The following ADAMTS20 variants were observed in gnomAD, a reference collection of about 807,000 sequenced individuals.
ADAMTS20 encodes A disintegrin and metalloproteinase with thrombospondin motifs 20.
ADAMTS20 carries 225 observed loss-of-function variants against 260.1 expected under a neutral mutation model. That is an observed-to-expected ratio of 0.87 (90% confidence interval 0.78 to 0.97). ADAMTS20 has a LOEUF of 0.97. Among genes scored for constraint, ADAMTS20 ranks in the 50% least tolerant of loss-of-function variants. The pLI, the probability that ADAMTS20 is intolerant of heterozygous loss-of-function variation, is 0.00. For synonymous variants in ADAMTS20, 802 were observed against 769.5 expected, an observed-to-expected ratio of 1.04 and a Z score of -0.70; for missense variants, 2,400 against 2,337.7, an observed-to-expected ratio of 1.03 and a Z score of -0.55.
At chr12:43,457,487 C>A (rs1441381755) in intron 11 of ADAMTS20, among the ~76,000 whole-genome samples, 1 of 152,110 alleles carries the variant, frequency 6.6e-6, no homozygotes, top group Non-Finnish European at 1.5e-5. Context: ...CATATATATG[C>A]CTGCTTACTT....
chr12:43,479,565 T>C (rs2137410268), intron 7 of ADAMTS20, among the ~76,000 whole-genome samples: 1 of 152,264 alleles, frequency 6.6e-6, no homozygotes, highest in South Asian at 2.1e-4. Flanking sequence ...TTTAAATGCA[T>C]TTTTATGTAA....
chr12:43,376,035 T>C, intron 35 of ADAMTS20, 22 bp downstream of exon 35: 1 of 1,566,252 alleles, frequency 6.4e-7, no homozygotes, highest in Non-Finnish European at 8.7e-7. Flanking sequence ...AATGCTCAGA[T>C]AGACCAAAAC....
intron 11 of ADAMTS20, among the ~76,000 whole-genome samples, chr12:43,460,705 A>G (rs1227764749): frequency 6.6e-6 from 1 of 152,038 alleles, no homozygotes; most frequent in African/African-American, 2.4e-5. Flanking sequence ...GAGAATTGAT[A>G]AATTATAGTA....
chr12:43,547,127 A>T (rs1943451233), intron 2 of ADAMTS20, among the ~76,000 whole-genome samples: 1 of 152,256 alleles, frequency 6.6e-6, no homozygotes, highest in Admixed American at 6.5e-5. Flanking sequence ...TTCAAAACTA[A>T]CAACTAAACG....
At chr12:43,412,378 G>T (rs1941047927) in intron 28 of ADAMTS20, among the ~76,000 whole-genome samples, 1 of 152,186 alleles carries the variant, frequency 6.6e-6, no homozygotes, top group Admixed American at 6.5e-5. Flanking sequence ...GCACAACAAA[G>T]ACCTTTTAAA....
At position 43,375,494 on chromosome 12, in the gene ADAMTS20, T is replaced by C. The variant is rs758480797; in HGVS notation, c.5331A>G (p.Gln1777=). Residue 1777 remains glutamine (Q), a synonymous_variant, in exon 36 of 39, where the codon CAA becomes CAG. Coordinates refer to ENST00000389420, the MANE Select transcript of ADAMTS20 (RefSeq NM_025003.5). ...VYGFRLKNPY[Q]CPFNGSRRED... ...CCCTTCTACTCCCATTAAAAGGACA[T>C]TGATATGGATTTTTTAGTCTGTAAC... The C allele has an allele frequency of 8.7e-6, 14 of 1,613,238 alleles. No individual in the cohort carries two copies. Among genetic ancestry groups the C allele is most frequent in the African/African-American group, 1.3e-5 (1 of 74,900 alleles).
At chr12:43,410,348 A>G (rs1941008474) in intron 28 of ADAMTS20, among the ~76,000 whole-genome samples, 1 of 152,194 alleles carries the variant, frequency 6.6e-6, no homozygotes, top group African/African-American at 2.4e-5. Context: ...AAAACCATTC[A>G]TGGAGATTTT....
chr12:43,417,231 G>GGAAACAGGGAAAACATA (rs1245659498), intron 28 of ADAMTS20, among the ~76,000 whole-genome samples: 1 of 152,110 alleles, frequency 6.6e-6, no homozygotes, highest in African/African-American at 2.4e-5. Context: ...GTTTCCCTGA[G>GGAAACAGGGAAAACATA]TCACAGCTGC....
chr12:43,454,138 C>A lies in ADAMTS20; in HGVS notation c.1615-86G>T, dbSNP rs6582464. Reference sequence around the variant, plus strand: ...ATTATAATAGCAGCATAAAGATCAACAGAAGAACAAACTAAACAATTTGAA... The same window carrying A: ...ATTATAATAGCAGCATAAAGATCAAAAGAAGAACAAACTAAACAATTTGAA... On this transcript the variant is annotated intron_variant, in intron 11 of 38. Coordinates refer to ENST00000389420, the MANE Select transcript of ADAMTS20 (RefSeq NM_025003.5). 2.8e-6 allele frequency: 4 copies of A among 1,434,020 alleles called. No homozygotes were observed. In the African/African-American group the frequency reaches 5.8e-5, roughly 21 times the overall value. The allele number at this position is 1,434,020 out of a possible 1,614,324, so 88.8% of individuals were successfully genotyped here.
chr12:43,497,733 G>A (rs1942697294), intron 4 of ADAMTS20, among the ~76,000 whole-genome samples: 1 of 152,034 alleles, frequency 6.6e-6, no homozygotes, highest in African/African-American at 2.4e-5. Context: ...TAAAATCAAT[G>A]TAATGCAAAT....
chr12:43,428,792 A>C lies in ADAMTS20; in HGVS notation c.3497T>G (p.Val1166Gly), dbSNP rs1222006665. The C allele has an allele frequency of 1.2e-6, 2 of 1,603,426 alleles. No individual in the cohort carries two copies. Among genetic ancestry groups the C allele is most frequent in the African/African-American group, 2.7e-5 (2 of 74,734 alleles). ...WRHGSWTPCS[V>G]SCGRGTQARY... ...GGCTTGAGTACCTCTTCCACAAGAT[A>C]CGGAGCACTTTTTAAGAAATCAAAT... The change falls in exon 25 of 39, where the codon GTA becomes GGA. Residue 1166 changes from valine (V) to glycine (G), a missense_variant. Val to Gly is a moderately radical substitution (Grantham distance 109). Coordinates refer to ENST00000389420, the MANE Select transcript of ADAMTS20 (RefSeq NM_025003.5).
At chr12:43,536,523 A>G (rs938209050) in intron 2 of ADAMTS20, among the ~76,000 whole-genome samples, 22 of 152,158 alleles carry the variant, frequency 1.4e-4, no homozygotes, top group African/African-American at 5.3e-4. Context: ...TAAAATAAGG[A>G]GAGAGAGAAT....
intron 11 of ADAMTS20, among the ~76,000 whole-genome samples, chr12:43,457,242 G>GT (rs1385869595): frequency 6.6e-6 from 1 of 151,866 alleles, no homozygotes; most frequent in Non-Finnish European, 1.5e-5. Context: ...TTCTTCTGTT[G>GT]TTTTTTCTTT....
intron 3 of ADAMTS20, among the ~76,000 whole-genome samples, chr12:43,519,994 A>T: frequency 6.6e-6 from 1 of 152,218 alleles, no homozygotes; most frequent in East Asian, 1.9e-4. Flanking sequence ...AAATGATTTA[A>T]CAAAAAACTG....
chr12:43,419,554 A>G (rs1592058996), intron 28 of ADAMTS20, among the ~76,000 whole-genome samples: 1 of 152,188 alleles, frequency 6.6e-6, no homozygotes, highest in African/African-American at 2.4e-5. Context: ...AGATGCTTAA[A>G]CATTCCTAAA....
At chr12:43,448,194 C>T (rs1212643419) in intron 14 of ADAMTS20, among the ~76,000 whole-genome samples, 1 of 151,894 alleles carries the variant, frequency 6.6e-6, no homozygotes, top group African/African-American at 2.4e-5. Context: ...GAAATCCTAA[C>T]CAAAAAGAAC....
chr12:43,386,103 AG>A (rs1007888662), intron 29 of ADAMTS20, among the ~76,000 whole-genome samples: 5 of 152,112 alleles, frequency 3.3e-5, no homozygotes, highest in African/African-American at 1.2e-4. Context: ...TCAAAAAAAC[AG>A]GTCCTGGATT....
chr12:43,510,652 G>A (rs940019976), intron 3 of ADAMTS20, among the ~76,000 whole-genome samples: 2 of 151,862 alleles, frequency 1.3e-5, no homozygotes, highest in African/African-American at 2.4e-5. Flanking sequence ...AATAACAAGC[G>A]TATTAAGACC....
chr12:43,531,072 CCCAAAAGATCAA>C (rs1224513768), intron 3 of ADAMTS20, among the ~76,000 whole-genome samples: 3 of 151,758 alleles, frequency 2.0e-5, no homozygotes, highest in African/African-American at 7.3e-5. Flanking sequence ...CTGCAAACAG[CCCAAAAGATCAA>C]CAGGAAAATT....
Sources: allele counts gnomAD v4.1 joint callset (sites outside exome capture counted in the v4.1 genomes callset), GRCh38; gene constraint gnomAD v4.1.1; transcripts MANE v1.5; gene names NCBI Gene and HGNC (gene_info 2026-07-23, HGNC 2026-07-21).